ZDHHC5: variants seen among roughly 807,000 people sequenced by gnomAD.
The protein encoded by ZDHHC5 is zDHHC palmitoyltransferase 5, also known as palmitoyltransferase ZDHHC5.
Under a neutral mutation model 70.0 loss-of-function variants are expected in ZDHHC5, and 22 were observed. The observed-to-expected ratio is 0.31, with a 90% CI of 0.22 to 0.45. ZDHHC5 has a LOEUF of 0.45. Among genes scored for constraint, ZDHHC5 ranks in the 20% least tolerant of loss-of-function variants. ZDHHC5 has a pLI of 1.00. For missense variants in ZDHHC5, 746 were observed against 926.9 expected (o/e 0.80, Z 2.53); for synonymous variants, 313 against 347.8 (o/e 0.90, Z 1.11).
intron 8 of ZDHHC5, among the ~76,000 whole-genome samples, chr11:57,695,058 C>T (rs1946332105): frequency 6.6e-6 from 1 of 152,024 alleles, no homozygotes; most frequent in African/African-American, 2.4e-5. Context: ...AGGTTGGGAG[C>T]TCGAGACCAG....
chr11:57,672,390 CAA>C lies in ZDHHC5; in HGVS notation c.-700_-699del. ...ACAGCTGTTGTCCAGCTTTAGCCAT[CAA>C]GAGAGAAATAAATTAAACCACCATT... is the stretch of plus-strand genomic sequence containing the variant. On this transcript the variant is annotated 5_prime_UTR_variant, in exon 2 of 12. Coordinates refer to ENST00000287169, the MANE Select transcript of ZDHHC5 (RefSeq NM_015457.3). 1 of 394,144 alleles carries C rather than the reference CAA, an allele frequency of 2.5e-6. No individual in the cohort carries two copies. The highest frequency in any genetic ancestry group is 4.5e-6 in the Non-Finnish European group (1 of 223,768). The allele number at this position is 394,144 out of a possible 1,614,324, so 24.4% of individuals were successfully genotyped here. A position where few individuals can be genotyped will look rare whatever the true frequency, so the allele number is the denominator to read the frequency against.
rs756519952 is a variant in ZDHHC5 at position 57,699,176 on chromosome 11, C to T, written c.1740C>T (p.Ala580=). The change falls in exon 11 of 12, where the codon GCC becomes GCT. Residue 580 remains alanine (A), a synonymous_variant. Coordinates refer to ENST00000287169, the MANE Select transcript of ZDHHC5 (RefSeq NM_015457.3). ...GIQSTPGSGH[A]PRTSSSSDDS... Reference sequence around the variant, plus strand: ...AGTCAACACCAGGCTCGGGCCATGCCCCTCGTACTAGTTCCTCCTCAGATG... The same window carrying T: ...AGTCAACACCAGGCTCGGGCCATGCTCCTCGTACTAGTTCCTCCTCAGATG... 1.9e-6 allele frequency: 3 copies of T among 1,614,240 alleles called. No homozygotes were observed. The highest frequency in any genetic ancestry group is 1.6e-4 in the Middle Eastern group (1 of 6,062).
chr11:57,691,605 A>T (rs1235721000), intron 6 of ZDHHC5, among the ~76,000 whole-genome samples: 1 of 152,234 alleles, frequency 6.6e-6, no homozygotes, highest in African/African-American at 2.4e-5. Context: ...AACTGAAACT[A>T]GACAATATAG....
chr11:57,696,956 G>T, intron 10 of ZDHHC5, 83 bp downstream of exon 10: 1 of 1,412,284 alleles, frequency 7.1e-7, no homozygotes. Flanking sequence ...CAGCACTTTG[G>T]GAGCCCAAGG....
chr11:57,686,786 T>A (rs1242977145), intron 3 of ZDHHC5, among the ~76,000 whole-genome samples: 4 of 152,038 alleles, frequency 2.6e-5, no homozygotes, highest in African/African-American at 7.2e-5. Flanking sequence ...TATATGTGTA[T>A]ATTTATGTAT....
Position 57,688,480 on chromosome 11 carries a change from G to A in ZDHHC5, c.227-28G>A, listed in dbSNP as rs548276694. 4.0e-5 allele frequency: 61 copies of A among 1,519,210 alleles called. No homozygotes were observed. The East Asian group carries it at 7.9e-4, about 20-fold the overall frequency. The allele number at this position is 1,519,210 out of a possible 1,614,324, so 94.1% of individuals were successfully genotyped here. On this transcript the variant is annotated intron_variant, in intron 3 of 11. Transcript: ENST00000287169. ...CACTTACTACAGTTCTGGCATAGTT[G>A]TTTTTAATTGACTTTTCCTCTCTAC...
chr11:57,691,483 C>T (rs1434094953), intron 6 of ZDHHC5, among the ~76,000 whole-genome samples: 1 of 152,114 alleles, frequency 6.6e-6, no homozygotes, highest in African/African-American at 2.4e-5. Context: ...AGGCATGAGC[C>T]ACTGCGCCCA....
chr11:57,672,606 T>C lies in ZDHHC5; in HGVS notation c.-485T>C, dbSNP rs1946020157. 4.5e-6 allele frequency: 1 copy of C among 220,424 alleles called. No individual in the cohort carries two copies. The highest frequency in any genetic ancestry group is 5.7e-5 in the Admixed American group (1 of 17,462). The allele number at this position is 220,424 out of a possible 1,614,324, so 13.7% of individuals were successfully genotyped here. A position where few individuals can be genotyped will look rare whatever the true frequency, so the allele number is the denominator to read the frequency against. The stretch of plus-strand genomic sequence containing the variant: ...TCTTTTAGGTGCAGCTCACATTTTA[T>C]GGAACTGTAGTCGTGGAGGTACTAT... On this transcript the variant is annotated 5_prime_UTR_variant, in exon 2 of 12. It removes an upstream start codon present in the reference 5' UTR. Transcript: ENST00000287169.
At chr11:57,689,786 C>T (rs1432088383) in intron 4 of ZDHHC5, among the ~76,000 whole-genome samples, 2 of 151,620 alleles carry the variant, frequency 1.3e-5, no homozygotes, top group African/African-American at 2.4e-5. Context: ...CTCCTGGGCT[C>T]AAGCCCCAGC....
At chr11:57,690,646 C>G (rs1294924526) in intron 6 of ZDHHC5, among the ~76,000 whole-genome samples, 1 of 152,168 alleles carries the variant, frequency 6.6e-6, no homozygotes, top group Non-Finnish European at 1.5e-5. Context: ...CTCACATATA[C>G]ACCATGGAAT....
At chr11:57,690,507 A>G in intron 6 of ZDHHC5, 70 bp downstream of exon 6, 1 of 1,491,482 alleles carries the variant, frequency 6.7e-7, no homozygotes, top group African/African-American at 1.4e-5. Flanking sequence ...ATTAGTGTGC[A>G]GTGTAGTGCT....
At chr11:57,676,542 G>T (rs1214764139) in intron 2 of ZDHHC5, among the ~76,000 whole-genome samples, 1 of 152,136 alleles carries the variant, frequency 6.6e-6, no homozygotes, top group East Asian at 1.9e-4. Context: ...TTCTGGTGAA[G>T]TCTGTTAACC....
rs372160509 is a variant in ZDHHC5, at chr11:57,698,984, A to G, written c.1548A>G (p.Pro516=). Residue 516 remains proline (P), a synonymous_variant, in exon 11 of 12, where the codon CCA becomes CCG. Transcript: ENST00000287169. Reference sequence around the variant, plus strand: ...AGCAACGGGAAGCTGAGAGGCACCCACGTTTGGTGCCAACTGGCCCAACAC... The same window carrying G: ...AGCAACGGGAAGCTGAGAGGCACCCGCGTTTGGTGCCAACTGGCCCAACAC... ...LAQQREAERH[P]RLVPTGPTHR... The G allele has an allele frequency of 2.3e-5, 37 of 1,610,902 alleles. No individual in the cohort carries two copies. In the East Asian group the frequency reaches 5.6e-4, roughly 24 times the overall value.
chr11:57,698,465 C>A, intron 10 of ZDHHC5, 94 bp from the exon 11 acceptor site: 1 of 1,475,188 alleles, frequency 6.8e-7, no homozygotes. Context: ...TTATTATTGG[C>A]ACATAATTCT....
intron 9 of ZDHHC5, among the ~76,000 whole-genome samples, chr11:57,696,455 C>T (rs961137443): frequency 6.6e-6 from 1 of 152,202 alleles, no homozygotes; most frequent in East Asian, 1.9e-4. Flanking sequence ...GTGGCTCACA[C>T]CTGTGATCCC....
chr11:57,699,970 C>T lies in ZDHHC5; in HGVS notation c.2087C>T (p.Thr696Met), dbSNP rs766814291. ...GPGQPPLSSP[T>M]RGGVKKVSGV... Reference sequence around the variant, plus strand: ...GGCCAGCCACCTCTCAGTAGCCCCACGAGGGGAGGAGTCAAGAAGGTGTCA... The same window carrying T: ...GGCCAGCCACCTCTCAGTAGCCCCATGAGGGGAGGAGTCAAGAAGGTGTCA... Residue 696 changes from threonine (T) to methionine (M), a missense_variant, in exon 12 of 12, where the codon ACG (threonine) becomes ATG (methionine). Coordinates refer to ENST00000287169, the MANE Select transcript of ZDHHC5 (RefSeq NM_015457.3). The T allele has an allele frequency of 1.8e-5, 29 of 1,613,490 alleles. No individual in the cohort carries two copies. Among genetic ancestry groups the T allele is most frequent in the South Asian group, 9.9e-5 (9 of 91,010 alleles).
At chr11:57,671,150 G>A (rs953814005) in intron 1 of ZDHHC5, among the ~76,000 whole-genome samples, 1 of 152,180 alleles carries the variant, frequency 6.6e-6, no homozygotes, top group East Asian at 1.9e-4. Flanking sequence ...AGGTGATTCA[G>A]TGGAATGTCC....
chr11:57,673,291 TGA>T, intron 2 of ZDHHC5, 97 bp downstream of exon 2: 2 of 1,182,382 alleles, frequency 1.7e-6, no homozygotes. Flanking sequence ...GCCAAGTGAC[TGA>T]GAGGGCTCAG....
chr11:57,690,428 C>T lies in ZDHHC5; in HGVS notation c.651C>T (p.Thr217=). 6.2e-7 allele frequency: 1 copy of T among 1,614,046 alleles called. No individual in the cohort carries two copies. Among genetic ancestry groups the T allele is most frequent in the East Asian group, 2.2e-5 (1 of 44,884 alleles). Residue 217 remains threonine (T), a synonymous_variant, in exon 6 of 12, where the codon ACC becomes ACT. Coordinates refer to ENST00000287169, the MANE Select transcript of ZDHHC5 (RefSeq NM_015457.3). ...HVVLVARGRT[T]NEQVTGKFRG... Reference sequence around the variant, plus strand: ...TTCTGGTGGCCAGGGGACGCACAACCAATGAACAGGTATGGAGAAAAGTGA... The same window carrying T: ...TTCTGGTGGCCAGGGGACGCACAACTAATGAACAGGTATGGAGAAAAGTGA...
Sources: allele counts gnomAD v4.1 joint callset (sites outside exome capture counted in the v4.1 genomes callset), GRCh38; gene constraint gnomAD v4.1.1; transcripts MANE v1.5; gene names NCBI Gene and HGNC (gene_info 2026-07-23, HGNC 2026-07-21).